Variants in FBXO25 observed in about 807,000 individuals in gnomAD.
FBXO25 encodes F-box protein 25.
A neutral mutation model predicts 51.9 loss-of-function variants in FBXO25; 45 were observed. The observed-to-expected ratio is 0.87, with a 90% CI of 0.68 to 1.11. FBXO25 has a LOEUF of 1.11. Among genes scored for constraint, FBXO25 ranks in the 50% most tolerant of loss-of-function variants. The pLI, the probability that FBXO25 is intolerant of heterozygous loss-of-function variation, is 0.00. For synonymous variants in FBXO25, 199 were observed against 151.0 expected (o/e 1.32, Z -2.33); for missense variants, 507 against 428.5 (o/e 1.18, Z -1.62).
At chr8:411,241 A>G (rs1451678391) in intron 1 of FBXO25, among the ~76,000 whole-genome samples, 1 of 152,196 alleles carries the variant, frequency 6.6e-6, no homozygotes, top group Non-Finnish European at 1.5e-5. Flanking sequence ...AATTCAACGT[A>G]TATTTTCAAC....
chr8:473,805 G>C lies in FBXO25; in HGVS notation c.*5001G>C, dbSNP rs979279484. On this transcript the variant is annotated 3_prime_UTR_variant, in exon 10 of 10. Transcript: ENST00000350302. ...GTCAAATAGAAGAGACACCTCAACT[G>C]TCTCGTTTTTGCATGGAAATTTCAT... The C allele has an allele frequency of 2.0e-5, 3 of 152,260 alleles. No homozygotes were observed. The South Asian group carries it at 6.2e-4, about 32-fold the overall frequency. 9.4% of individuals were successfully genotyped at this position (152,260 alleles called of 1,614,324 possible). A position where few individuals can be genotyped will look rare whatever the true frequency, so the allele number is the denominator to read the frequency against.
At chr8:455,838 CTT>C (rs1382162728) in intron 7 of FBXO25, among the ~76,000 whole-genome samples, 2 of 152,216 alleles carry the variant, frequency 1.3e-5, no homozygotes, top group Non-Finnish European at 2.9e-5. Flanking sequence ...TTCAGCAAGA[CTT>C]TTGTGCCTTG....
intron 5 of FBXO25, among the ~76,000 whole-genome samples, chr8:440,625 A>G (rs1313699701): frequency 1.3e-5 from 2 of 151,908 alleles, no homozygotes; most frequent in Non-Finnish European, 2.9e-5. Context: ...TCTGGTATAC[A>G]TGTGCTCAAT....
Position 445,673 on chromosome 8 carries a change from T to G in FBXO25, c.382-4317T>G, listed in dbSNP as rs192756296. On this transcript the variant is annotated intron_variant, in intron 5 of 9. Coordinates refer to ENST00000350302, the MANE Select transcript of FBXO25 (RefSeq NM_183420.2). ...TTTGAGACCAGCCTGGCCAACATGGTGAAACCTGTCTCTACTAAAAATACA... is the reference window on the plus strand; with the variant it reads ...TTTGAGACCAGCCTGGCCAACATGGGGAAACCTGTCTCTACTAAAAATACA... Among the ~76,000 whole-genome samples the G allele has an allele frequency of 5.3e-4, 81 of 152,210 alleles. 2 individuals carry two copies. The highest frequency in any genetic ancestry group is 1.3e-4 in the Non-Finnish European group (9 of 68,010).
At chr8:429,292 A>G (rs78638089) in intron 2 of FBXO25, among the ~76,000 whole-genome samples, 2 of 152,098 alleles carry the variant, frequency 1.3e-5, no homozygotes, top group South Asian at 2.1e-4. Flanking sequence ...TTACCTAACA[A>G]TTGGTGATAT....
intron 2 of FBXO25, among the ~76,000 whole-genome samples, chr8:414,523 A>G (rs1052996889): frequency 2.0e-5 from 3 of 152,146 alleles, no homozygotes; most frequent in Non-Finnish European, 2.9e-5. Context: ...GCGGTGAGGA[A>G]TTTGTGGGAA....
chr8:458,948 C>T (rs1470619857), intron 8 of FBXO25, among the ~76,000 whole-genome samples: 1 of 152,172 alleles, frequency 6.6e-6, no homozygotes, highest in Non-Finnish European at 1.5e-5. Context: ...AGTCTCTCAG[C>T]ACTCGGTAGA....
chr8:428,887 A>G (rs1471581079), intron 2 of FBXO25, among the ~76,000 whole-genome samples: 2 of 152,218 alleles, frequency 1.3e-5, no homozygotes, highest in African/African-American at 4.8e-5. Flanking sequence ...TTCAGACTGA[A>G]TAATATTCCA....
chr8:454,620 G>A (rs145396345), intron 7 of FBXO25, among the ~76,000 whole-genome samples: 2 of 152,306 alleles, frequency 1.3e-5, no homozygotes, highest in African/African-American at 2.4e-5. Context: ...GGCCGGGCGC[G>A]ATGGCTCACG....
In FBXO25 at chr8:473,578, C is replaced by G. The variant is rs1008491364; in HGVS notation, c.*4774C>G. 2.6e-5 allele frequency: 4 copies of G among 152,280 alleles called. No individual in the cohort carries two copies. The highest frequency in any genetic ancestry group is 7.2e-5 in the African/African-American group (3 of 41,454). The allele number at this position is 152,280 out of a possible 1,614,324, so 9.4% of individuals were successfully genotyped here. A position where few individuals can be genotyped will look rare whatever the true frequency, so the allele number is the denominator to read the frequency against. On this transcript the variant is annotated 3_prime_UTR_variant, in exon 10 of 10. Transcript: ENST00000350302. ...TTGGTCCTCTTCCTTCCAATCCTCACTGGCTCAAATCCACAGAGTGACAAA... is the reference window on the plus strand; with the variant it reads ...TTGGTCCTCTTCCTTCCAATCCTCAGTGGCTCAAATCCACAGAGTGACAAA...
intron 2 of FBXO25, among the ~76,000 whole-genome samples, chr8:430,272 T>C (rs1224246015): frequency 6.6e-6 from 1 of 152,232 alleles, no homozygotes; most frequent in African/African-American, 2.4e-5. Flanking sequence ...AAATACAAAA[T>C]ACAAACATCA....
chr8:467,645 T>G (rs1409168293), intron 9 of FBXO25: 1 of 1,470,594 alleles, frequency 6.8e-7, no homozygotes, highest in Non-Finnish European at 9.5e-7. Flanking sequence ...CTCTGGCTCT[T>G]TCTAATCTTA....
chr8:420,047 T>A (rs1026784067), intron 2 of FBXO25, among the ~76,000 whole-genome samples: 5 of 152,140 alleles, frequency 3.3e-5, no homozygotes, highest in African/African-American at 1.2e-4. Context: ...ATGCCCAACT[T>A]AATTTATTGT....
chr8:432,685 C>G (rs1184329547), intron 3 of FBXO25, among the ~76,000 whole-genome samples: 1 of 152,160 alleles, frequency 6.6e-6, no homozygotes, highest in African/African-American at 2.4e-5. Context: ...GGACTTGGTA[C>G]TGTCTGAAAT....
intron 5 of FBXO25, among the ~76,000 whole-genome samples, chr8:449,128 A>C (rs55650226): frequency 0.045 from 6,884 of 152,338 alleles, 262 homozygotes; most frequent in African/African-American, 0.099. Flanking sequence ...ACCCAACTCC[A>C]AGTTGTACGT....
chr8:422,109 T>C (rs1447666846), intron 2 of FBXO25, among the ~76,000 whole-genome samples: 1 of 152,076 alleles, frequency 6.6e-6, no homozygotes, highest in Non-Finnish European at 1.5e-5. Context: ...AGGTGAAATC[T>C]AACAGGTAAA....
At chr8:432,737 C>G (rs1461465048) in intron 3 of FBXO25, 149 bp from the exon 4 acceptor site, 3 of 976,602 alleles carry the variant, frequency 3.1e-6, no homozygotes, top group Non-Finnish European at 4.3e-6. Context: ...CAAAGCAATT[C>G]TGTTTGCATT....
At position 476,797 on chromosome 8, in the gene FBXO25, C is replaced by T. The variant is rs939259258; in HGVS notation, c.*7993C>T. The stretch of plus-strand genomic sequence containing the variant: ...ATTGCTTTTCTGTTCTCTATTTTGT[C>T]TCTGCTCTAATCTTTATTATTATTA... On this transcript the variant is annotated 3_prime_UTR_variant, in exon 10 of 10. Coordinates refer to ENST00000350302, the MANE Select transcript of FBXO25 (RefSeq NM_183420.2). 2.0e-5 allele frequency: 3 copies of T among 149,710 alleles called. No homozygotes were observed. Among genetic ancestry groups the T allele is most frequent in the Admixed American group, 1.3e-4 (2 of 15,074 alleles). The allele number at this position is 149,710 out of a possible 1,614,324, so 9.3% of individuals were successfully genotyped here.
At position 477,405 on chromosome 8, in the gene FBXO25, T is replaced by G. The variant is rs757223651; in HGVS notation, c.*8601T>G. 1 of 152,276 alleles carries G rather than the reference T, an allele frequency of 6.6e-6. No individual in the cohort carries two copies. The highest frequency in any genetic ancestry group is 1.5e-5 in the Non-Finnish European group (1 of 68,046). The allele number at this position is 152,276 out of a possible 1,614,324, so 9.4% of individuals were successfully genotyped here. On this transcript the variant is annotated 3_prime_UTR_variant, in exon 10 of 10. Coordinates refer to ENST00000350302, the MANE Select transcript of FBXO25 (RefSeq NM_183420.2). ...AACTATCCATTTCTTCCTTTGATTC[T>G]GTCAATGTTTGTTTCATATATTTTG... is the stretch of plus-strand genomic sequence containing the variant.
Sources: allele counts gnomAD v4.1 joint callset (sites outside exome capture counted in the v4.1 genomes callset), GRCh38; gene constraint gnomAD v4.1.1; transcripts MANE v1.5; gene names NCBI Gene and HGNC (gene_info 2026-07-23, HGNC 2026-07-21).